SYNE1: variants seen among roughly 807,000 people sequenced by gnomAD.
The protein encoded by SYNE1 is nesprin-1.
In SYNE1, 616 loss-of-function variants were observed where a neutral mutation model predicts 1,111.0. The observed-to-expected ratio is 0.55, with a 90% CI of 0.52 to 0.59. The LOEUF is 0.59. Ranked by LOEUF, SYNE1 falls within the 20% of genes least tolerant of loss-of-function variation. The pLI, the probability that SYNE1 is intolerant of heterozygous loss-of-function variation, is 0.00. For synonymous variants in SYNE1, 3,855 were observed against 3,825.8 expected (o/e 1.01, Z -0.28); for missense variants, 10,006 against 10,417.0 (o/e 0.96, Z 1.72).
chr6:152,255,512 G>T, intron 103 of SYNE1, 79 bp downstream of exon 103: 1 of 1,473,122 alleles, frequency 6.8e-7, no homozygotes, highest in Non-Finnish European at 9.5e-7. Context: ...CTTTCTTTAT[G>T]CATAAAATTA....
intron 28 of SYNE1, among the ~76,000 whole-genome samples, chr6:152,447,887 A>G (rs1022526276): frequency 6.6e-6 from 1 of 152,374 alleles, no homozygotes; most frequent in African/African-American, 2.4e-5. Flanking sequence ...TTGATGGGAA[A>G]AAAGATGATT....
intron 41 of SYNE1, among the ~76,000 whole-genome samples, chr6:152,415,800 A>C (rs2154180817): frequency 6.7e-6 from 1 of 148,904 alleles, no homozygotes; most frequent in South Asian, 2.1e-4. Context: ...AAAAAAAAAA[A>C]AAAAAAAAAA....
At position 152,204,460 on chromosome 6, in the gene SYNE1, G is replaced by A. The variant is rs143110323; in HGVS notation, c.23019+1708C>T. 5.0e-3 allele frequency among the ~76,000 whole-genome samples: 767 copies of A among 151,992 alleles called. 6 individuals carry two copies. The highest frequency in any genetic ancestry group is 5.2e-3 in the Non-Finnish European group (352 of 67,970). On this transcript the variant is annotated intron_variant, in intron 126 of 145. Transcript: ENST00000367255. Reference sequence around the variant, plus strand: ...AAATTAAGAGATGATAGTGAAGAAGGTGAACATACAGAGCATGGAATTATA... The same window carrying A: ...AAATTAAGAGATGATAGTGAAGAAGATGAACATACAGAGCATGGAATTATA...
chr6:152,321,598 T>C, intron 83 of SYNE1, 123 bp downstream of exon 83: 1 of 1,346,478 alleles, frequency 7.4e-7, no homozygotes, highest in Non-Finnish European at 1.0e-6. Context: ...ATATCTTTTA[T>C]ATAACACACT....
intron 93 of SYNE1, among the ~76,000 whole-genome samples, chr6:152,295,667 T>A (rs1294644164): frequency 1.3e-5 from 2 of 151,738 alleles, no homozygotes; most frequent in Non-Finnish European, 2.9e-5. Flanking sequence ...CACATACACA[T>A]GCAATCCAAG....
intron 3 of SYNE1, among the ~76,000 whole-genome samples, chr6:152,565,003 T>TTATA (rs2099407910): frequency 6.6e-6 from 1 of 152,252 alleles, no homozygotes; most frequent in Non-Finnish European, 1.5e-5. Flanking sequence ...TAGTTACTTG[T>TTATA]TATACTTGTT....
intron 127 of SYNE1, among the ~76,000 whole-genome samples, chr6:152,193,928 G>C (rs1026638450): frequency 6.6e-6 from 1 of 151,340 alleles, no homozygotes; most frequent in Non-Finnish European, 1.5e-5. Context: ...CAGGAGAATG[G>C]CATGAACCCA....
chr6:152,143,503 A>G (rs2058888597), intron 138 of SYNE1, 120 bp downstream of exon 138: 1 of 1,438,916 alleles, frequency 6.9e-7, no homozygotes, highest in African/African-American at 1.4e-5. Flanking sequence ...CAGGTTCACG[A>G]GTTCAAGGGC....
rs182348749 is a variant in SYNE1 at position 152,261,672 on chromosome 6, A to G, written c.18972+360T>C. On this transcript the variant is annotated intron_variant, in intron 101 of 145. Coordinates refer to ENST00000367255, the MANE Select transcript of SYNE1 (RefSeq NM_182961.4). Reference sequence around the variant, plus strand: ...TCACAATTGAGTTCCAGATTTGTGGAAATCCTTCTGTCCTAGATGTGCATA... The same window carrying G: ...TCACAATTGAGTTCCAGATTTGTGGGAATCCTTCTGTCCTAGATGTGCATA... Among the ~76,000 whole-genome samples, 1,127 of 152,324 alleles carry G rather than the reference A, an allele frequency of 7.4e-3. 14 individuals carry two copies. Among genetic ancestry groups the G allele is most frequent in the African/African-American group, 0.025 (1,039 of 41,556 alleles).
intron 14 of SYNE1, chr6:152,481,019 A>C: frequency 3.0e-6 from 1 of 333,132 alleles, no homozygotes; most frequent in South Asian, 2.5e-5. Flanking sequence ...GAAATCATAT[A>C]GCCATTGAAA....
At chr6:152,414,311 A>T (rs2098119305) in intron 41 of SYNE1, among the ~76,000 whole-genome samples, 1 of 152,062 alleles carries the variant, frequency 6.6e-6, no homozygotes, top group South Asian at 2.1e-4. Context: ...TGGGAGGCTG[A>T]GGCTGGAGGA....
Position 152,300,679 on chromosome 6 carries a change from GGGAGCGACAGGCAGGT to G in SYNE1, c.17628_17643del (p.Pro5877LeufsTer66), listed in dbSNP as rs2153809530. The G allele has an allele frequency of 6.2e-7, 1 of 1,614,188 alleles. No homozygotes were observed. The highest frequency in any genetic ancestry group is 8.5e-7 in the Non-Finnish European group (1 of 1,180,044). On this transcript the variant is annotated frameshift_variant, in exon 93 of 146. Transcript: ENST00000367255. LOFTEE classifies it high-confidence loss of function. The stretch of plus-strand genomic sequence containing the variant: ...GCATCTGTATTAGCCACAGGTGAAG[GGGAGCGACAGGCAGGT>G]GGAGAGGAAATCTCACTGTTGGTTC...
intron 3 of SYNE1, among the ~76,000 whole-genome samples, chr6:152,588,648 C>T (rs532347022): frequency 6.6e-6 from 1 of 152,156 alleles, no homozygotes; most frequent in African/African-American, 2.4e-5. Context: ...GTCAGACTTG[C>T]CAGAGGAGCT....
chr6:152,548,132 C>T (rs191746106), intron 3 of SYNE1, among the ~76,000 whole-genome samples: 1 of 152,220 alleles, frequency 6.6e-6, no homozygotes, highest in Non-Finnish European at 1.5e-5. Context: ...CTGCCCACAG[C>T]AGCCTCATAT....
intron 14 of SYNE1, among the ~76,000 whole-genome samples, chr6:152,482,511 C>T (rs546367123): frequency 2.7e-4 from 41 of 152,220 alleles, no homozygotes; most frequent in Non-Finnish European, 2.1e-4. Flanking sequence ...TAATGAAAAA[C>T]GGCATTTTTA....
At chr6:152,265,781 T>A (rs2092641446) in intron 100 of SYNE1, among the ~76,000 whole-genome samples, 1 of 152,174 alleles carries the variant, frequency 6.6e-6, no homozygotes, top group African/African-American at 2.4e-5. Flanking sequence ...GCACCCTCCA[T>A]CAACCCTCGA....
At chr6:152,609,855 G>T (rs895144733) in intron 3 of SYNE1, among the ~76,000 whole-genome samples, 5 of 152,186 alleles carry the variant, frequency 3.3e-5, no homozygotes, top group Admixed American at 3.3e-4. Flanking sequence ...AGCAAACAGG[G>T]TCTGGAGTGG....
chr6:152,338,735 G>C (rs560526607), intron 75 of SYNE1, among the ~76,000 whole-genome samples: 25 of 152,310 alleles, frequency 1.6e-4, no homozygotes, highest in African/African-American at 6.0e-4. Flanking sequence ...ATCTGTCTGT[G>C]TGGGCCGGTA....
At chr6:152,487,357 T>C (rs1051107576) in intron 12 of SYNE1, among the ~76,000 whole-genome samples, 24 of 152,358 alleles carry the variant, frequency 1.6e-4, no homozygotes, top group African/African-American at 5.5e-4. Context: ...GTTCCATCCA[T>C]GTCCCTGCAA....
Sources: gnomAD v4.1 joint callset for allele counts (sites outside exome capture counted in the v4.1 genomes callset) on GRCh38, gnomAD v4.1.1 for gene constraint, MANE v1.5 for transcripts, NCBI Gene and HGNC (gene_info 2026-07-23, HGNC 2026-07-21) for gene names.